Variants in SYT16 observed in about 807,000 individuals in gnomAD.
SYT16 encodes the protein synaptotagmin 16, also known as synaptotagmin-16.
In SYT16, 42 loss-of-function variants were observed where a neutral mutation model predicts 61.4. The observed-to-expected ratio is 0.68, with a 90% CI of 0.53 to 0.89. The LOEUF (loss-of-function observed/expected upper bound fraction) is 0.89, where lower values mean the gene tolerates loss of function less well. SYT16 is among the 40% of genes least tolerant of loss of function. SYT16 has a pLI of 0.00. For missense variants in SYT16, 804 were observed against 807.3 expected (o/e 1.00, Z 0.05); for synonymous variants, 314 against 302.3 (o/e 1.04, Z -0.40).
intron 1 of SYT16, among the ~76,000 whole-genome samples, chr14:61,887,744 A>G (rs1187606016): frequency 6.6e-6 from 1 of 152,206 alleles, no homozygotes. Context: ...CTCAGCCTTC[A>G]TAGAATTGAA....
At chr14:61,975,299 C>T (rs995207018) in intron 2 of SYT16, among the ~76,000 whole-genome samples, 5 of 151,990 alleles carry the variant, frequency 3.3e-5, no homozygotes, top group Admixed American at 1.3e-4. Flanking sequence ...AATTTTTTTT[C>T]AAGCTATTAA....
chr14:62,003,033 C>T (rs1308768113), intron 3 of SYT16, among the ~76,000 whole-genome samples: 1 of 152,074 alleles, frequency 6.6e-6, no homozygotes, highest in East Asian at 1.9e-4. Context: ...CCCCATGATT[C>T]AGTTACCTCC....
intron 3 of SYT16, among the ~76,000 whole-genome samples, chr14:62,023,943 T>C (rs915047320): frequency 2.0e-5 from 3 of 152,142 alleles, no homozygotes; most frequent in African/African-American, 7.2e-5. Context: ...AAATGTTTTA[T>C]CAATTTCCCA....
intron 7 of SYT16, among the ~76,000 whole-genome samples, chr14:62,086,883 T>C (rs1232006020): frequency 1.3e-5 from 2 of 152,198 alleles, no homozygotes; most frequent in African/African-American, 4.8e-5. Flanking sequence ...AATGCTGCCG[T>C]GATGCTAGTA....
intron 3 of SYT16, among the ~76,000 whole-genome samples, chr14:62,001,893 C>T (rs938332820): frequency 4.0e-5 from 6 of 151,776 alleles, no homozygotes; most frequent in Non-Finnish European, 5.9e-5. Flanking sequence ...TTTTTGTTAC[C>T]GTGTTTTTCG....
In SYT16 at chr14:61,971,829, G is replaced by T. The variant is rs142447419; in HGVS notation, c.-145+1518G>T. 3.3e-5 allele frequency among the ~76,000 whole-genome samples: 5 copies of T among 152,318 alleles called. No homozygotes were observed. The East Asian group carries it at 5.8e-4, about 18-fold the overall frequency. On this transcript the variant is annotated intron_variant, in intron 2 of 7. Coordinates refer to ENST00000683842, the MANE Select transcript of SYT16 (RefSeq NM_001367656.1). Reference sequence around the variant, plus strand: ...GGACATATGACTTATTCTGAAAATAGAATGGAATATTTTAATTACAGCTTG... The same window carrying T: ...GGACATATGACTTATTCTGAAAATATAATGGAATATTTTAATTACAGCTTG...
At chr14:61,880,114 T>C (rs78493413) in intron 1 of SYT16, among the ~76,000 whole-genome samples, 2,875 of 152,366 alleles carry the variant, frequency 0.019, 32 homozygotes, top group East Asian at 0.051. Context: ...CTGCTTCTGC[T>C]TATTTACCTC....
At chr14:61,873,714 A>G (rs2047401418) in intron 1 of SYT16, among the ~76,000 whole-genome samples, 2 of 152,214 alleles carry the variant, frequency 1.3e-5, no homozygotes, top group African/African-American at 4.8e-5. Flanking sequence ...CTAATTAATG[A>G]ACCATTTCCT....
At chr14:62,034,569 G>A (rs931308106) in intron 3 of SYT16, among the ~76,000 whole-genome samples, 37 of 152,102 alleles carry the variant, frequency 2.4e-4, no homozygotes, top group African/African-American at 8.9e-4. Context: ...GTGAAGCTTG[G>A]CAACATGCAA....
intron 1 of SYT16, among the ~76,000 whole-genome samples, chr14:61,833,706 C>CTTTTTT (rs11357318): frequency 3.4e-3 from 163 of 48,048 alleles, no homozygotes; most frequent in East Asian, 4.4e-3. Context: ...CCAGCAGTGG[C>CTTTTTT]TTTTTTTTTT....
At chr14:61,930,379 G>A (rs768488943) in intron 1 of SYT16, among the ~76,000 whole-genome samples, 5 of 151,716 alleles carry the variant, frequency 3.3e-5, no homozygotes, top group South Asian at 2.1e-4. Context: ...ATGTGTTCCC[G>A]GTCTCTGTGA....
intron 2 of SYT16, among the ~76,000 whole-genome samples, chr14:61,988,328 T>G (rs2052406032): frequency 6.6e-6 from 1 of 152,212 alleles, no homozygotes; most frequent in Non-Finnish European, 1.5e-5. Flanking sequence ...AGTGATAGTC[T>G]CTTTAAAAAT....
At chr14:62,077,392 G>C (rs201629650) in intron 5 of SYT16, among the ~76,000 whole-genome samples, 2 of 152,162 alleles carry the variant, frequency 1.3e-5, no homozygotes, top group African/African-American at 4.8e-5. Flanking sequence ...ATGGATTTTC[G>C]AGCTCTGCTC....
At chr14:62,067,398 C>T (rs1384162847) in intron 3 of SYT16, among the ~76,000 whole-genome samples, 3 of 151,914 alleles carry the variant, frequency 2.0e-5, no homozygotes, top group African/African-American at 4.8e-5. Context: ...CTGAGACCTG[C>T]GATGTGAAGG....
intron 3 of SYT16, among the ~76,000 whole-genome samples, chr14:62,047,954 C>G (rs2055073290): frequency 6.6e-6 from 1 of 152,184 alleles, no homozygotes; most frequent in African/African-American, 2.4e-5. Flanking sequence ...TGTTGTGTCT[C>G]TGCCAGGCTT....
chr14:61,900,557 A>G (rs926375432), intron 1 of SYT16, among the ~76,000 whole-genome samples: 1 of 152,216 alleles, frequency 6.6e-6, no homozygotes, highest in African/African-American at 2.4e-5. Flanking sequence ...GTGGTTTGTA[A>G]CAGACACTAG....
chr14:61,853,375 C>G (rs559326787), intron 1 of SYT16, among the ~76,000 whole-genome samples: 44 of 152,312 alleles, frequency 2.9e-4, no homozygotes, highest in African/African-American at 8.4e-4. Flanking sequence ...GAGAAACCTA[C>G]TGTTATGGTT....
intron 3 of SYT16, among the ~76,000 whole-genome samples, chr14:62,047,922 T>C (rs1037014012): frequency 6.6e-6 from 1 of 152,240 alleles, no homozygotes; most frequent in African/African-American, 2.4e-5. Flanking sequence ...TCAAGGATAT[T>C]CGTCTAAAAT....
chr14:62,000,098 G>GGTTTTTTTTTTTTTTTTTTTTTT lies in SYT16; in HGVS notation c.523+3556_523+3557insGTTTTTTTTTTTTTTTTTTTTTT, dbSNP rs1566751979. On this transcript the variant is annotated intron_variant, in intron 3 of 7. Transcript: ENST00000683842. ...TTTTCTAATACTTATTTTGTCTCTCGATTTTTTTTTTTTTTTTTTTTTTTT... is the reference window on the plus strand; with the variant it reads ...TTTTCTAATACTTATTTTGTCTCTCGGTTTTTTTTTTTTTTTTTTTTTTATTTTTTTTTTTTTTTTTTTTTTTT... Among the ~76,000 whole-genome samples, 2 of 35,520 alleles carry GGTTTTTTTTTTTTTTTTTTTTTT rather than the reference G, an allele frequency of 5.6e-5. 1 individual carries two copies. The highest frequency in any genetic ancestry group is 8.9e-5 in the Non-Finnish European group (2 of 22,582). 23.3% of individuals were successfully genotyped at this position (35,520 alleles called of 152,430 possible). A position where few individuals can be genotyped will look rare whatever the true frequency, so the allele number is the denominator to read the frequency against.
Sources: allele counts gnomAD v4.1 joint callset (sites outside exome capture counted in the v4.1 genomes callset), GRCh38; gene constraint gnomAD v4.1.1; transcripts MANE v1.5; gene names NCBI Gene and HGNC (gene_info 2026-07-23, HGNC 2026-07-21).